MYO5B: variants seen among roughly 807,000 people sequenced by gnomAD.
MYO5B encodes the protein unconventional myosin-Vb.
A neutral mutation model predicts 229.3 loss-of-function variants in MYO5B; 143 were observed. The ratio of observed to expected loss-of-function variants is 0.62; its 90% CI spans 0.54 to 0.72. MYO5B has a LOEUF of 0.72. MYO5B is among the 30% of genes least tolerant of loss of function. The pLI is 0.00. For missense variants in MYO5B, 2,321 were observed against 2,331.0 expected, an observed-to-expected ratio of 1.00 and a Z score of 0.09; for synonymous variants, 918 against 885.2, an observed-to-expected ratio of 1.04 and a Z score of -0.66.
In MYO5B at chr18:50,017,418, C is replaced by A. The variant is rs577915893; in HGVS notation, c.456-16007G>T. On this transcript the variant is annotated intron_variant, in intron 4 of 39. Coordinates refer to ENST00000285039, the MANE Select transcript of MYO5B (RefSeq NM_001080467.3). ...GGGATTACAGGCGTGGGCCACTGCG[C>A]CCGGCTACCTTAGCATAATTTTTCA... 2.0e-5 allele frequency among the ~76,000 whole-genome samples: 3 copies of A among 152,310 alleles called. No individual in the cohort carries two copies. The South Asian group carries it at 6.2e-4, about 32-fold the overall frequency.
In MYO5B at chr18:49,841,362, C is replaced by T; in HGVS notation, c.4701+3G>A. 1 of 1,614,104 alleles carries T rather than the reference C, an allele frequency of 6.2e-7. No homozygotes were observed. Among genetic ancestry groups the T allele is most frequent in the Non-Finnish European group, 8.5e-7 (1 of 1,179,954 alleles). ...CCTCCTGGGTGCCTGGCTCCCCACT[C>T]ACCTCATCCCCGCTGTACTGCTTCA... On this transcript the variant is annotated splice_donor_region_variant and intron_variant, in intron 35 of 39. Coordinates refer to ENST00000285039, the MANE Select transcript of MYO5B (RefSeq NM_001080467.3).
chr18:49,853,148 G>C (rs549235062), intron 31 of MYO5B, among the ~76,000 whole-genome samples: 148 of 152,340 alleles, frequency 9.7e-4, no homozygotes, highest in Non-Finnish European at 1.8e-3. Context: ...GAGTCTCGCT[G>C]TTCCTGCTTT....
intron 1 of MYO5B, among the ~76,000 whole-genome samples, chr18:50,177,096 A>G (rs2033007336): frequency 6.6e-6 from 1 of 152,242 alleles, no homozygotes; most frequent in Non-Finnish European, 1.5e-5. Flanking sequence ...CAGTAAAACT[A>G]AAACACAATT....
chr18:49,924,838 C>G (rs1483691287), intron 17 of MYO5B, among the ~76,000 whole-genome samples: 1 of 152,196 alleles, frequency 6.6e-6, no homozygotes, highest in Non-Finnish European at 1.5e-5. Context: ...CTGATGCACC[C>G]ATCCCTATAG....
chr18:49,935,102 G>C (rs1053021986), intron 16 of MYO5B, among the ~76,000 whole-genome samples: 1 of 152,108 alleles, frequency 6.6e-6, no homozygotes, highest in African/African-American at 2.4e-5. Flanking sequence ...AAGAAAAGAG[G>C]ATCTGGAACA....
At chr18:50,112,868 TA>T (rs1173815953) in intron 1 of MYO5B, among the ~76,000 whole-genome samples, 8 of 152,218 alleles carry the variant, frequency 5.3e-5, no homozygotes, top group Middle Eastern at 3.4e-3. Context: ...CAACGTATTT[TA>T]AAAAAAATTG....
chr18:49,948,830 G>A (rs1386853055), intron 14 of MYO5B, among the ~76,000 whole-genome samples: 3 of 152,140 alleles, frequency 2.0e-5, no homozygotes, highest in Non-Finnish European at 4.4e-5. Context: ...TGCGACTCCT[G>A]TGCTGTAATT....
At position 49,991,085 on chromosome 18, in the gene MYO5B, G is replaced by C. The variant is rs147074711; in HGVS notation, c.757-565C>G. On this transcript the variant is annotated intron_variant, in intron 6 of 39. Transcript: ENST00000285039. ...CTGAGCGAAGAGAGCTAAGGAAGAG[G>C]GAAGCTCCAGGGGTGTCCAGGAAAG... is the stretch of plus-strand genomic sequence containing the variant. Among the ~76,000 whole-genome samples, 1,446 of 152,238 alleles carry C rather than the reference G, an allele frequency of 9.5e-3. 23 individuals are homozygous for C. Among genetic ancestry groups the C allele is most frequent in the African/African-American group, 0.034 (1,398 of 41,536 alleles).
chr18:49,833,738 G>T (rs771035658), intron 39 of MYO5B, among the ~76,000 whole-genome samples: 10 of 152,098 alleles, frequency 6.6e-5, no homozygotes, highest in Non-Finnish European at 1.5e-4. Context: ...TAAATTATCA[G>T]CCCTCCATAA....
At chr18:49,849,491 G>T in intron 32 of MYO5B, 76 bp downstream of exon 32, 1 of 1,024,204 alleles carries the variant, frequency 9.8e-7, no homozygotes, top group Non-Finnish European at 1.6e-6. Flanking sequence ...GCAGAGGGCA[G>T]GCAGACAGCT....
chr18:49,941,002 G>A (rs1409528156), intron 14 of MYO5B, among the ~76,000 whole-genome samples: 1 of 152,208 alleles, frequency 6.6e-6, no homozygotes, highest in Non-Finnish European at 1.5e-5. Flanking sequence ...CAGTTTTAGA[G>A]TCAAGAGAAA....
chr18:49,952,819 T>C (rs1598907491), intron 14 of MYO5B, among the ~76,000 whole-genome samples: 1 of 152,024 alleles, frequency 6.6e-6, no homozygotes, highest in African/African-American at 2.4e-5. Context: ...TATAGACTGC[T>C]GAACAAATTA....
chr18:49,927,008 G>C (rs1259642477), intron 17 of MYO5B, among the ~76,000 whole-genome samples: 1 of 151,974 alleles, frequency 6.6e-6, no homozygotes, highest in Admixed American at 6.6e-5. Flanking sequence ...CTAGGGACTG[G>C]GGGAGAGAGA....
intron 1 of MYO5B, among the ~76,000 whole-genome samples, chr18:50,179,929 G>A (rs2033048452): frequency 6.6e-6 from 1 of 152,158 alleles, no homozygotes; most frequent in South Asian, 2.1e-4. Flanking sequence ...TCCTGTTGGT[G>A]GTATCAATGC....
intron 2 of MYO5B, among the ~76,000 whole-genome samples, chr18:50,046,852 T>G (rs2030242418): frequency 6.6e-6 from 1 of 152,184 alleles, no homozygotes; most frequent in African/African-American, 2.4e-5. Context: ...GATTCCCTAT[T>G]TAATAAATGG....
chr18:50,086,792 G>T (rs529753226), intron 1 of MYO5B, among the ~76,000 whole-genome samples: 2 of 152,244 alleles, frequency 1.3e-5, no homozygotes, highest in African/African-American at 4.8e-5. Context: ...GCTTACAGGC[G>T]GAGGGTGATG....
At chr18:50,176,020 G>C (rs1434309029) in intron 1 of MYO5B, among the ~76,000 whole-genome samples, 3 of 152,180 alleles carry the variant, frequency 2.0e-5, no homozygotes, top group Admixed American at 1.3e-4. Flanking sequence ...TAGACTATAA[G>C]TCCTGGATCC....
In MYO5B at chr18:49,856,931, C is replaced by T. The variant is rs151332937; in HGVS notation, c.3945-41G>A. The T allele has an allele frequency of 0.011, 16,970 of 1,539,918 alleles. 784 individuals are homozygous for T. In the South Asian group the frequency reaches 0.12, roughly 11 times the overall value. ...AGAAAAACAGGGTGTCCAGTGTAGACGGAAGAGACAGGCAGGCAGGGAGTC... is the reference window on the plus strand; with the variant it reads ...AGAAAAACAGGGTGTCCAGTGTAGATGGAAGAGACAGGCAGGCAGGGAGTC... On this transcript the variant is annotated intron_variant, in intron 29 of 39. Transcript: ENST00000285039.
At chr18:50,058,527 T>C (rs752516476) in intron 1 of MYO5B, among the ~76,000 whole-genome samples, 21 of 151,200 alleles carry the variant, frequency 1.4e-4, no homozygotes, top group Non-Finnish European at 1.6e-4. Context: ...AAAAACACAG[T>C]AGGCCGGGCA....
Sources: gnomAD v4.1 joint callset for allele counts (sites outside exome capture counted in the v4.1 genomes callset) on GRCh38, gnomAD v4.1.1 for gene constraint, MANE v1.5 for transcripts, NCBI Gene and HGNC (gene_info 2026-07-23, HGNC 2026-07-21) for gene names.